Variants in TCF20 observed in about 807,000 individuals in gnomAD.
TCF20 encodes transcription factor 20.
A neutral mutation model predicts 148.6 loss-of-function variants in TCF20; 3 were observed. The observed-to-expected ratio is 0.02, with a 90% CI of 0.01 to 0.05. TCF20 has a LOEUF of 0.05. Ranked by LOEUF, TCF20 falls within the 10% of genes least tolerant of loss-of-function variation. The pLI is 1.00. For missense variants in TCF20, 2,350 were observed against 2,429.3 expected (o/e 0.97, Z 0.69); for synonymous variants, 1,049 against 909.5 (o/e 1.15, Z -2.76).
rs1186354859 is a variant in TCF20 at position 42,214,070 on chromosome 22, T to C, written c.1236A>G (p.Leu412=). ...TTGGACTGAGTTGAGGCATTAACTG[T>C]AAAATTCTGTTTCTGGAACCCATAG... ...SVPMGSRNRI[L]QLMPQLSPTP... The change falls in exon 2 of 6, where the codon TTA becomes TTG. Residue 412 remains leucine, a synonymous_variant. Transcript: ENST00000677622. 1 of 1,614,142 alleles carries C rather than the reference T, an allele frequency of 6.2e-7. No individual in the cohort carries two copies. Among genetic ancestry groups the C allele is most frequent in the Admixed American group, 1.7e-5 (1 of 60,022 alleles).
chr22:42,209,952 C>T lies in TCF20; in HGVS notation c.5354G>A (p.Arg1785Lys). 1.2e-6 allele frequency: 2 copies of T among 1,613,934 alleles called. No individual in the cohort carries two copies. The highest frequency in any genetic ancestry group is 8.5e-7 in the Non-Finnish European group (1 of 1,180,006). The change falls in exon 2 of 6, where the codon AGG (arginine) becomes AAG (lysine). Residue 1785 changes from arginine (R) to lysine (K), a missense_variant. Around this residue, in one of 7 missense-constraint regions of TCF20, gnomAD observed 374 missense variants for 398.3 expected, o/e 0.94. Transcript: ENST00000677622. ...TTCCGAGCGGTGGCGCCGCTTAAAC[C>T]TGGGGTGTGCGGCCAGGCTTCTCTG... ...KEQRSLAAHP[R>K]FKRRHRSEDC...
intron 1 of TCF20, chr22:42,277,071 CCTT>C (rs1242514072): frequency 6.6e-6 from 1 of 152,272 alleles, no homozygotes; most frequent in African/African-American, 2.4e-5. Flanking sequence ...CTTCTCCAAA[CCTT>C]CTCTCCCAGG....
At chr22:42,185,090 T>C (rs1179304155) in intron 2 of TCF20, among the ~76,000 whole-genome samples, 3 of 152,212 alleles carry the variant, frequency 2.0e-5, no homozygotes, top group Non-Finnish European at 4.4e-5. Flanking sequence ...TTATGAGATA[T>C]AACAGCAACC....
chr22:42,281,760 G>A (rs1220639461), intron 1 of TCF20, among the ~76,000 whole-genome samples: 1 of 152,258 alleles, frequency 6.6e-6, no homozygotes, highest in African/African-American at 2.4e-5. Context: ...GACATGGGGA[G>A]AGGGCAGCTG....
rs577969470 is a variant in TCF20 at position 42,342,651 on chromosome 22, G to A, written c.-37+828C>T. Among the ~76,000 whole-genome samples, 7 of 152,272 alleles carry A rather than the reference G, an allele frequency of 4.6e-5. No individual in the cohort carries two copies. The South Asian group carries it at 1.5e-3, about 32-fold the overall frequency. ...CCCACCATGCTGGACAGAGCCCTCG[G>A]GTCAGAAGCAGGTGGACAAGGCTGC... On this transcript the variant is annotated intron_variant, in intron 1 of 1. Coordinates refer to the TCF20 transcript ENST00000515426.
chr22:42,324,645 G>A (rs1927839002), intron 1 of TCF20, among the ~76,000 whole-genome samples: 1 of 127,196 alleles, frequency 7.9e-6, no homozygotes, highest in Non-Finnish European at 1.7e-5. Flanking sequence ...TCCACCATTC[G>A]AGAAAAAATA....
intron 1 of TCF20, among the ~76,000 whole-genome samples, chr22:42,281,541 G>A (rs1481046610): frequency 2.0e-5 from 3 of 152,194 alleles, no homozygotes; most frequent in Non-Finnish European, 2.9e-5. Context: ...CGCTGTTCTT[G>A]CACTTCCCTC....
intron 1 of TCF20, among the ~76,000 whole-genome samples, chr22:42,234,620 G>A (rs1319913162): frequency 6.6e-6 from 1 of 152,084 alleles, no homozygotes; most frequent in African/African-American, 2.4e-5. Context: ...GTGTCCATAA[G>A]CTAAAAGTCC....
Position 42,161,233 on chromosome 22 carries a change from AG to A in TCF20, c.*169del. On this transcript the variant is annotated 3_prime_UTR_variant, in exon 6 of 6. Transcript: ENST00000677622. ...GGTTTGAGTGTGATGTGAGAACTTA[AG>A]GAAGTGCTGGCATGGGCAGGCACGC... 3.0e-6 allele frequency: 4 copies of A among 1,327,498 alleles called. No individual in the cohort carries two copies. Among genetic ancestry groups the A allele is most frequent in the East Asian group, 2.6e-5 (1 of 38,396 alleles). The allele number at this position is 1,327,498 out of a possible 1,614,324, so 82.2% of individuals were successfully genotyped here.
intron 2 of TCF20, among the ~76,000 whole-genome samples, chr22:42,191,778 A>G (rs888233747): frequency 5.3e-5 from 8 of 152,244 alleles, no homozygotes; most frequent in Admixed American, 3.9e-4. Flanking sequence ...ACAGAGTGCT[A>G]GAGTCCAGGA....
At chr22:42,282,421 G>A (rs1353848702) in intron 1 of TCF20, among the ~76,000 whole-genome samples, 2 of 152,230 alleles carry the variant, frequency 1.3e-5, no homozygotes, top group East Asian at 1.9e-4. Flanking sequence ...TCATGGGCCC[G>A]TCAGAGGAGT....
rs1270422328 is a variant in TCF20, at chr22:42,297,693, T to C, written c.-37+45786A>G. 6.6e-6 allele frequency among the ~76,000 whole-genome samples: 1 copy of C among 152,218 alleles called. No homozygotes were observed. Among genetic ancestry groups the C allele is most frequent in the African/African-American group, 2.4e-5 (1 of 41,458 alleles). ...TAGGAAATACTGGCCAGAGAGAATCTTGAGCCACACAATTCAGACAAATGT... is the reference window on the plus strand; with the variant it reads ...TAGGAAATACTGGCCAGAGAGAATCCTGAGCCACACAATTCAGACAAATGT... On this transcript the variant is annotated intron_variant, in intron 1 of 1. Transcript: ENST00000515426. This position sits in a 1 kb window ranked among gnomAD's most constrained non-coding sequence, Gnocchi z 4.3.
At chr22:42,223,212 T>C (rs1922542544) in intron 1 of TCF20, among the ~76,000 whole-genome samples, 2 of 152,218 alleles carry the variant, frequency 1.3e-5, no homozygotes, top group Non-Finnish European at 1.5e-5. Context: ...CTGTGTGGTT[T>C]TACCTGTAAC....
upstream of TCF20, among the ~76,000 whole-genome samples, chr22:42,271,678 A>G (rs574392441): frequency 6.6e-6 from 1 of 152,248 alleles, no homozygotes; most frequent in East Asian, 1.9e-4. Context: ...GAGAGTTTGG[A>G]TTAGATGTCC....
At chr22:42,259,959 ATAAAT>A (rs1377488058) in intron 1 of TCF20, among the ~76,000 whole-genome samples, 4 of 152,232 alleles carry the variant, frequency 2.6e-5, no homozygotes, top group African/African-American at 9.6e-5. Flanking sequence ...TTTTTTAAAA[ATAAAT>A]TAATTAATTT....
At chr22:42,238,426 T>C (rs1450626300) in intron 1 of TCF20, among the ~76,000 whole-genome samples, 1 of 152,244 alleles carries the variant, frequency 6.6e-6, no homozygotes, top group African/African-American at 2.4e-5. Context: ...TTCGTTTTCT[T>C]CTCATTCATG....
chr22:42,186,129 G>C (rs1569117427), intron 2 of TCF20, among the ~76,000 whole-genome samples: 1 of 152,170 alleles, frequency 6.6e-6, no homozygotes, highest in Non-Finnish European at 1.5e-5. Flanking sequence ...ACTGGCTAAG[G>C]GCTAATTGTG....
rs555009349 is a variant in TCF20, at chr22:42,281,361, T to C, written c.-37+2466A>G. ...AGGCGAGTTTGCAATGACTGCGGTG[T>C]CCATGTGGCACCGCCCAGTCTGTCA... On this transcript the variant is annotated intron_variant, in intron 1 of 5. Transcript: ENST00000359486. Among the ~76,000 whole-genome samples the C allele has an allele frequency of 2.0e-5, 3 of 152,236 alleles. No individual in the cohort carries two copies. In the East Asian group the frequency reaches 5.8e-4, roughly 29 times the overall value.
At chr22:42,225,662 T>C (rs1394267927) in intron 1 of TCF20, among the ~76,000 whole-genome samples, 1 of 149,116 alleles carries the variant, frequency 6.7e-6, no homozygotes, top group Non-Finnish European at 1.5e-5. Flanking sequence ...TTGAACTATC[T>C]CAACAGTATC....
Sources: gnomAD v4.1 joint callset for allele counts (sites outside exome capture counted in the v4.1 genomes callset) on GRCh38, gnomAD v4.1.1 for gene constraint, gnomAD v4.1.1 regional missense constraint, Gnocchi (gnomAD v3.1) non-coding constraint, MANE v1.5 for transcripts, NCBI Gene and HGNC (gene_info 2026-07-23, HGNC 2026-07-21) for gene names.